DMXL2: variants seen among roughly 807,000 people sequenced by gnomAD.
DMXL2 encodes Dmx like 2, also known as dmX-like protein 2.
Under a neutral mutation model 331.1 loss-of-function variants are expected in DMXL2, and 103 were observed. The observed-to-expected ratio is 0.31, with a 90% CI of 0.27 to 0.37. The LOEUF is 0.37. Ranked by LOEUF, DMXL2 falls within the 10% of genes least tolerant of loss-of-function variation. DMXL2 has a pLI of 1.00. For synonymous variants in DMXL2, 1,281 were observed against 1,252.1 expected (o/e 1.02, Z -0.49); for missense variants, 3,171 against 3,642.9 (o/e 0.87, Z 3.33).
intron 6 of DMXL2, 72 bp from the exon 7 acceptor site, chr15:51,547,480 G>A: frequency 8.7e-7 from 1 of 1,153,048 alleles, no homozygotes; most frequent in African/African-American, 1.6e-5. Context: ...GTTTGAAGAA[G>A]TTTTAAAAAT....
chr15:51,528,063 C>G (rs765835787), intron 13 of DMXL2, among the ~76,000 whole-genome samples: 1 of 151,188 alleles, frequency 6.6e-6, no homozygotes. Context: ...TCATGGTAAC[C>G]TCAAATTAGA....
chr15:51,450,022 T>C, intron 43 of DMXL2, 107 bp downstream of exon 43: 1 of 1,012,464 alleles, frequency 9.9e-7, no homozygotes, highest in Admixed American at 2.3e-5. Context: ...CTCCATGCAG[T>C]AGCCCAAGTG....
At chr15:51,546,784 A>G (rs2048915940) in intron 7 of DMXL2, among the ~76,000 whole-genome samples, 1 of 152,138 alleles carries the variant, frequency 6.6e-6, no homozygotes, top group South Asian at 2.1e-4. Flanking sequence ...TTCAGAGTAC[A>G]TTATATGCTT....
intron 6 of DMXL2, among the ~76,000 whole-genome samples, chr15:51,552,102 T>A (rs771540438): frequency 6.6e-6 from 1 of 152,178 alleles, no homozygotes; most frequent in African/African-American, 2.4e-5. Context: ...GAGCTTGGCA[T>A]ATTCAAGGCC....
intron 27 of DMXL2, 43 bp downstream of exon 27, chr15:51,476,546 G>A (rs1321078329): frequency 1.3e-6 from 2 of 1,586,226 alleles, no homozygotes; most frequent in East Asian, 4.5e-5. Flanking sequence ...GGAAGAAATT[G>A]CCAACTAGAA....
At chr15:51,546,388 T>G (rs1032683169) in intron 7 of DMXL2, among the ~76,000 whole-genome samples, 1 of 152,170 alleles carries the variant, frequency 6.6e-6, no homozygotes, top group Non-Finnish European at 1.5e-5. Context: ...TAGATGCAGA[T>G]GACTTAAGCA....
At chr15:51,484,618 T>C (rs748732811) in intron 23 of DMXL2, among the ~76,000 whole-genome samples, 20 of 152,204 alleles carry the variant, frequency 1.3e-4, no homozygotes, top group Non-Finnish European at 2.8e-4. Flanking sequence ...TTCTGCCAGA[T>C]ACATAGAAAT....
chr15:51,524,417 A>G, intron 13 of DMXL2, among the ~76,000 whole-genome samples: 1 of 152,158 alleles, frequency 6.6e-6, no homozygotes, highest in Non-Finnish European at 1.5e-5. Flanking sequence ...CACTATACGA[A>G]AAAAAGCACC....
At chr15:51,572,840 G>A (rs910001523) in intron 2 of DMXL2, among the ~76,000 whole-genome samples, 5 of 152,164 alleles carry the variant, frequency 3.3e-5, no homozygotes, top group African/African-American at 1.2e-4. Context: ...TACTAAATGG[G>A]CAAAAACTGG....
At chr15:51,492,333 A>G (rs557009447) in intron 19 of DMXL2, among the ~76,000 whole-genome samples, 2 of 152,360 alleles carry the variant, frequency 1.3e-5, no homozygotes, top group Admixed American at 1.3e-4. Context: ...GCTAAATATC[A>G]CTTCAAAGCA....
At position 51,448,998 on chromosome 15, in the gene DMXL2, G is replaced by C; in HGVS notation, c.9163C>G (p.Leu3055Val). The change falls in exon 44 of 44, where the codon CTT (leucine) becomes GTT (valine). Residue 3055 changes from leucine (L) to valine (V), a missense_variant. Leu to Val is a conservative substitution (Grantham distance 32). Transcript: ENST00000560891. ...PNAFNIPNRILDIL is the reference protein window; with the variant it reads ...PNAFNIPNRIVDIL ...AACCCCAATCTTTATAGAATGTCAA[G>C]AATTCTGTTAGGGATGTTAAAAGCA... 1.2e-6 allele frequency: 2 copies of C among 1,614,030 alleles called. No homozygotes were observed. The highest frequency in any genetic ancestry group is 1.7e-6 in the Non-Finnish European group (2 of 1,179,988).
At chr15:51,557,660 T>C (rs1007347898) in intron 6 of DMXL2, among the ~76,000 whole-genome samples, 1 of 152,082 alleles carries the variant, frequency 6.6e-6, no homozygotes, top group African/African-American at 2.4e-5. Context: ...TTAAGTCAGG[T>C]GACACTCATA....
intron 13 of DMXL2, among the ~76,000 whole-genome samples, chr15:51,531,491 T>C (rs2048000174): frequency 6.6e-6 from 1 of 152,086 alleles, no homozygotes; most frequent in South Asian, 2.1e-4. Flanking sequence ...TCCTGAGTAA[T>C]ATATGACAAG....
intron 6 of DMXL2, among the ~76,000 whole-genome samples, chr15:51,561,382 T>A (rs558753622): frequency 1.3e-5 from 2 of 152,284 alleles, no homozygotes; most frequent in South Asian, 4.1e-4. Flanking sequence ...GTGGTGGCTG[T>A]GAGTTACTCA....
At chr15:51,590,947 G>A (rs1023171765) in intron 1 of DMXL2, among the ~76,000 whole-genome samples, 2 of 152,142 alleles carry the variant, frequency 1.3e-5, no homozygotes, top group Non-Finnish European at 2.9e-5. Context: ...AGCAGACAAG[G>A]GGGGTGGAGC....
intron 1 of DMXL2, among the ~76,000 whole-genome samples, chr15:51,621,314 C>T (rs2054611337): frequency 6.6e-6 from 1 of 152,224 alleles, no homozygotes; most frequent in African/African-American, 2.4e-5. Context: ...GAATGCACTG[C>T]TACATAATGA....
At chr15:51,517,856 C>T (rs2047122769) in intron 13 of DMXL2, among the ~76,000 whole-genome samples, 1 of 152,164 alleles carries the variant, frequency 6.6e-6, no homozygotes, top group Non-Finnish European at 1.5e-5. Context: ...CAAGCATATA[C>T]ACTGGAGTTG....
chr15:51,510,849 AG>A (rs1255123386), intron 15 of DMXL2, among the ~76,000 whole-genome samples: 1 of 152,250 alleles, frequency 6.6e-6, no homozygotes, highest in Non-Finnish European at 1.5e-5. Context: ...ACAGATACAT[AG>A]AACAATGGAA....
At chr15:51,534,186 A>G (rs887585978) in intron 13 of DMXL2, among the ~76,000 whole-genome samples, 54 of 152,154 alleles carry the variant, frequency 3.5e-4, no homozygotes, top group African/African-American at 1.3e-3. Flanking sequence ...GTATCTAATG[A>G]GAGAGGTCAC....
Sources: gnomAD v4.1 joint callset for allele counts (sites outside exome capture counted in the v4.1 genomes callset) on GRCh38, gnomAD v4.1.1 for gene constraint, MANE v1.5 for transcripts, NCBI Gene and HGNC (gene_info 2026-07-23, HGNC 2026-07-21) for gene names.